API5: variants seen among roughly 807,000 people sequenced by gnomAD.
API5 encodes the protein apoptosis inhibitor 5.
A neutral mutation model predicts 71.9 loss-of-function variants in API5; 6 were observed. That is an observed-to-expected ratio of 0.08 (90% CI 0.05 to 0.16). The LOEUF (loss-of-function observed/expected upper bound fraction) is 0.16. API5 is among the 10% of genes least tolerant of loss of function. The pLI, the probability that API5 is intolerant of heterozygous loss-of-function variation, is 1.00. For synonymous variants in API5, 189 were observed against 221.3 expected (o/e 0.85, Z 1.30); for missense variants, 332 against 612.8 (o/e 0.54, Z 4.84).
At chr11:43,321,836 A>C (rs1854902365) in intron 4 of API5, 149 bp from the exon 5 acceptor site, 1 of 757,868 alleles carries the variant, frequency 1.3e-6, no homozygotes. Flanking sequence ...AGGCTGTAGA[A>C]ATTTCAGACT....
At chr11:43,314,290 A>C (rs2134335797) in intron 1 of API5, among the ~76,000 whole-genome samples, 1 of 152,282 alleles carries the variant, frequency 6.6e-6, no homozygotes, top group South Asian at 2.1e-4. Flanking sequence ...TGAAAGCTAC[A>C]ACAGTGGTTG....
intron 11 of API5, 59 bp from the exon 12 acceptor site, chr11:43,335,219 C>A: frequency 8.0e-7 from 1 of 1,244,336 alleles, no homozygotes; most frequent in Non-Finnish European, 1.2e-6. Flanking sequence ...CTACCCTCAC[C>A]ACCACTCCCT....
At chr11:43,339,943 G>A (rs1412511550) in intron 13 of API5, among the ~76,000 whole-genome samples, 2 of 152,112 alleles carry the variant, frequency 1.3e-5, no homozygotes, top group Non-Finnish European at 2.9e-5. Context: ...CATAGCCAGA[G>A]CAGGTAGATA....
intron 9 of API5, among the ~76,000 whole-genome samples, chr11:43,329,571 A>G (rs1049052735): frequency 6.6e-6 from 1 of 152,228 alleles, no homozygotes; most frequent in Admixed American, 6.5e-5. Context: ...AGCTTTTAGC[A>G]TGGTGCCTGG....
At chr11:43,338,718 C>T (rs1855518055) in intron 13 of API5, among the ~76,000 whole-genome samples, 1 of 146,242 alleles carries the variant, frequency 6.8e-6, no homozygotes, top group South Asian at 2.2e-4. Context: ...TACCTTCATA[C>T]AGTGTATTTA....
intron 13 of API5, among the ~76,000 whole-genome samples, chr11:43,338,062 C>G (rs1357606680): frequency 6.6e-6 from 1 of 152,134 alleles, no homozygotes; most frequent in African/African-American, 2.4e-5. Context: ...TCCCAGTCTT[C>G]AAAATAACAG....
intron 1 of API5, among the ~76,000 whole-genome samples, chr11:43,313,497 A>G (rs1349798732): frequency 1.3e-5 from 2 of 152,160 alleles, no homozygotes; most frequent in Non-Finnish European, 2.9e-5. Context: ...GAGAAAGTGG[A>G]AGATTCTAGT....
At chr11:43,326,407 T>G in intron 6 of API5, 100 bp from the exon 7 acceptor site, 1 of 748,206 alleles carries the variant, frequency 1.3e-6, no homozygotes, top group South Asian at 1.8e-5. Context: ...GTCAGAATAC[T>G]TGATGCTGTA....
intron 1 of API5, among the ~76,000 whole-genome samples, chr11:43,316,737 C>G (rs1854685423): frequency 6.6e-6 from 1 of 152,172 alleles, no homozygotes. Context: ...TTACCACAGC[C>G]TTTATCGCCT....
chr11:43,333,415 G>T (rs1236553015), intron 11 of API5, among the ~76,000 whole-genome samples: 3 of 152,168 alleles, frequency 2.0e-5, no homozygotes, highest in Non-Finnish European at 2.9e-5. Context: ...AGTGCTCCTA[G>T]TATGGGGAAA....
intron 1 of API5, among the ~76,000 whole-genome samples, chr11:43,313,696 A>G (rs1854572741): frequency 6.6e-6 from 1 of 152,192 alleles, no homozygotes; most frequent in African/African-American, 2.4e-5. Flanking sequence ...TCAGTAGGGA[A>G]TTTCACTTTT....
chr11:43,318,386 T>C, intron 1 of API5: 2 of 1,481,042 alleles, frequency 1.4e-6, no homozygotes, highest in East Asian at 4.9e-5. Context: ...ATTGGCATAT[T>C]AACAAACACA....
Position 43,342,415 on chromosome 11 carries a change from C to G in API5, c.1493-13C>G. On this transcript the variant is annotated splice_polypyrimidine_tract_variant and intron_variant, in intron 13 of 13. Coordinates refer to ENST00000531273, the MANE Select transcript of API5 (RefSeq NM_001142930.2). ...CCTAAGCAAGACCTAAACCCTTGTTCGCTTTTTCGTAGAGCAGAGAGGAGC... is the reference window on the plus strand; with the variant it reads ...CCTAAGCAAGACCTAAACCCTTGTTGGCTTTTTCGTAGAGCAGAGAGGAGC... 1 of 1,582,028 alleles carries G rather than the reference C, an allele frequency of 6.3e-7. No individual in the cohort carries two copies.
At chr11:43,313,369 C>T (rs928671847) in intron 1 of API5, among the ~76,000 whole-genome samples, 4 of 152,216 alleles carry the variant, frequency 2.6e-5, no homozygotes, top group African/African-American at 9.6e-5. Context: ...TATGTGTGTT[C>T]TTGGGAAAAG....
chr11:43,329,077 C>T (rs1355589131), intron 9 of API5, 184 bp downstream of exon 9: 1 of 622,400 alleles, frequency 1.6e-6, no homozygotes, highest in Non-Finnish European at 2.7e-6. Flanking sequence ...CATGGTGGCT[C>T]ACGTCTGTAA....
chr11:43,323,827 A>T (rs1220709860), intron 6 of API5, among the ~76,000 whole-genome samples, 191 bp downstream of exon 6: 1 of 152,136 alleles, frequency 6.6e-6, no homozygotes, highest in Non-Finnish European at 1.5e-5. Context: ...AAAAATCCAA[A>T]ACCTGAAATG....
chr11:43,338,940 T>C (rs1855524536), intron 13 of API5, among the ~76,000 whole-genome samples: 1 of 152,182 alleles, frequency 6.6e-6, no homozygotes, highest in Admixed American at 6.5e-5. Flanking sequence ...GCAGAAGTCA[T>C]GGCCCACAAA....
intron 11 of API5, among the ~76,000 whole-genome samples, chr11:43,330,843 G>A (rs1396958787): frequency 6.6e-6 from 1 of 152,158 alleles, no homozygotes; most frequent in Admixed American, 6.5e-5. Context: ...ATGTTTTTCT[G>A]TGTTTGTTTT....
At position 43,328,718 on chromosome 11, in the gene API5, A is replaced by G. The variant is rs1855153376; in HGVS notation, c.952A>G (p.Met318Val). The stretch of plus-strand genomic sequence containing the variant: ...GTATATTTTTCTCTCTTAGGAATAC[A>G]TGCCCCTCCCTCCAGAAGAGGCAGA... ...RKLFDKLLEY[M>V]PLPPEEAENG... Residue 318 changes from methionine (M) to valine (V), a missense_variant, in exon 9 of 14, where the codon ATG (methionine) becomes GTG (valine). Met to Val is a conservative substitution (Grantham distance 21, BLOSUM62 1). Transcript: ENST00000531273. 6.2e-7 allele frequency: 1 copy of G among 1,613,334 alleles called. No homozygotes were observed. The highest frequency in any genetic ancestry group is 1.7e-5 in the Admixed American group (1 of 59,968).
Sources: allele counts gnomAD v4.1 joint callset (sites outside exome capture counted in the v4.1 genomes callset), GRCh38; gene constraint gnomAD v4.1.1; transcripts MANE v1.5; gene names NCBI Gene and HGNC (gene_info 2026-07-23, HGNC 2026-07-21).